Variants in CYP4F22 observed in about 807,000 individuals in gnomAD.
The protein encoded by CYP4F22 is ultra-long-chain fatty acid omega-hydroxylase.
CYP4F22 carries 37 observed loss-of-function variants against 60.4 expected under a neutral mutation model. The ratio of observed to expected loss-of-function variants is 0.61; its 90% CI spans 0.47 to 0.81. The LOEUF (loss-of-function observed/expected upper bound fraction) is 0.81. Among genes scored for constraint, CYP4F22 ranks in the 30% least tolerant of loss-of-function variants. The pLI is 0.00. For missense variants in CYP4F22, 655 were observed against 715.0 expected, an observed-to-expected ratio of 0.92 and a Z score of 0.96; for synonymous variants, 258 against 280.5, an observed-to-expected ratio of 0.92 and a Z score of 0.80.
chr19:15,512,282 A>G (rs1971101232), intron 1 of CYP4F22, among the ~76,000 whole-genome samples: 1 of 152,158 alleles, frequency 6.6e-6, no homozygotes, highest in Non-Finnish European at 1.5e-5. Context: ...AGGAGAGCTG[A>G]GATTTGAACC....
At position 15,537,346 on chromosome 19, in the gene CYP4F22, C is replaced by T; in HGVS notation, c.368-15C>T. On this transcript the variant is annotated splice_polypyrimidine_tract_variant and intron_variant, in intron 4 of 13. Coordinates refer to ENST00000269703, the MANE Select transcript of CYP4F22 (RefSeq NM_173483.4). The stretch of plus-strand genomic sequence containing the variant: ...ACTCTGTTTTGAGTCACCATTTTCC[C>T]TTTGCCCTCCACAGCTGCCATCGCC... The T allele has an allele frequency of 6.2e-7, 1 of 1,614,012 alleles. No homozygotes were observed.
chr19:15,529,968 A>G lies in CYP4F22; in HGVS notation c.367+115A>G, dbSNP rs992744469. ...GGTCATTTGAATAGGGCTTTGAAGG[A>G]TGAATAAGAGTTTGGCAAAGCAAGC... On this transcript the variant is annotated intron_variant, in intron 4 of 13. Coordinates refer to ENST00000269703, the MANE Select transcript of CYP4F22 (RefSeq NM_173483.4). The G allele has an allele frequency of 4.8e-6, 7 of 1,456,638 alleles. No homozygotes were observed. The African/African-American group carries it at 9.8e-5, about 20-fold the overall frequency. The allele number at this position is 1,456,638 out of a possible 1,614,324, so 90.2% of individuals were successfully genotyped here. A position where few individuals can be genotyped will look rare whatever the true frequency, so the allele number is the denominator to read the frequency against.
chr19:15,551,160 C>A, intron 13 of CYP4F22, 134 bp from the exon 14 acceptor site: 1 of 1,171,004 alleles, frequency 8.5e-7, no homozygotes, highest in Non-Finnish European at 1.2e-6. Flanking sequence ...CTTTAACCCT[C>A]ACCCAGCGTG....
intron 11 of CYP4F22, 92 bp from the exon 12 acceptor site, chr19:15,549,046 A>G: frequency 7.1e-7 from 1 of 1,415,012 alleles, no homozygotes; most frequent in Non-Finnish European, 1.0e-6. Flanking sequence ...GCTCATGGGA[A>G]CATCATGGCT....
rs1221663078 is a variant in CYP4F22 at position 15,552,107 on chromosome 19, C to G, written c.*636C>G. ...CCCTTGTAAGCCCCTTCCTTCCTCC[C>G]TTGCCCAAAGATCCTTTGCTGAGTG... On this transcript the variant is annotated 3_prime_UTR_variant, in exon 14 of 14. Coordinates refer to ENST00000269703, the MANE Select transcript of CYP4F22 (RefSeq NM_173483.4). 2.0e-5 allele frequency: 3 copies of G among 152,516 alleles called. No individual in the cohort carries two copies. The highest frequency in any genetic ancestry group is 4.4e-5 in the Non-Finnish European group (3 of 68,306). 9.4% of individuals were successfully genotyped at this position (152,516 alleles called of 1,614,324 possible).
rs1555726014 is a variant in CYP4F22 at position 15,509,962 on chromosome 19, CTCTT to C, written c.-109+1397_-109+1400del. On this transcript the variant is annotated intron_variant, in intron 1 of 13. Transcript: ENST00000269703. ...CTTTCTTTCTTTTCTCTGTCTCTCT[CTCTT>C]TCTTTCTTTCTTTCTTTTTTTGTTG... Among the ~76,000 whole-genome samples the C allele has an allele frequency of 6.9e-4, 69 of 99,644 alleles. 1 individual carries two copies. Among genetic ancestry groups the C allele is most frequent in the Non-Finnish European group, 1.0e-3 (45 of 44,214 alleles). The allele number at this position is 99,644 out of a possible 152,430, so 65.4% of individuals were successfully genotyped here. A position where few individuals can be genotyped will look rare whatever the true frequency, so the allele number is the denominator to read the frequency against.
At chr19:15,545,099 T>TAA (rs1260781533) in intron 10 of CYP4F22, among the ~76,000 whole-genome samples, 1 of 64,728 alleles carries the variant, frequency 1.5e-5, no homozygotes, top group African/African-American at 6.4e-5. Flanking sequence ...AGTAAATAAA[T>TAA]AAAATAAAAA....
At chr19:15,543,308 G>A (rs556600687) in intron 8 of CYP4F22, among the ~76,000 whole-genome samples, 1 of 152,130 alleles carries the variant, frequency 6.6e-6, no homozygotes, top group East Asian at 1.9e-4. Context: ...TAATCCTCCT[G>A]CCTCAGCTTC....
intron 1 of CYP4F22, among the ~76,000 whole-genome samples, chr19:15,513,080 C>T (rs1971110760): frequency 6.6e-6 from 1 of 151,982 alleles, no homozygotes; most frequent in South Asian, 2.1e-4. Flanking sequence ...GAGAAAAACT[C>T]CAGTGTAAAC....
intron 1 of CYP4F22, among the ~76,000 whole-genome samples, chr19:15,512,837 AT>A (rs1199950317): frequency 2.0e-5 from 3 of 151,402 alleles, no homozygotes; most frequent in African/African-American, 7.3e-5. Context: ...AATTGATTCA[AT>A]TTTTTTTGAA....
At chr19:15,529,972 A>T (rs1971325276) in intron 4 of CYP4F22, 119 bp downstream of exon 4, 4 of 1,437,878 alleles carry the variant, frequency 2.8e-6, no homozygotes, top group Middle Eastern at 2.5e-4. Flanking sequence ...TGAAGGATGA[A>T]TAAGAGTTTG....
intron 7 of CYP4F22, among the ~76,000 whole-genome samples, chr19:15,538,618 G>A (rs1568360790): frequency 6.6e-6 from 1 of 152,162 alleles, no homozygotes; most frequent in Non-Finnish European, 1.5e-5. Context: ...TAGTCTAAGT[G>A]GGGACATAAG....
rs183145766 is a variant in CYP4F22, at chr19:15,525,354, C to T, written c.18C>T (p.Asp6=). 3.9e-5 allele frequency: 63 copies of T among 1,613,818 alleles called. No individual in the cohort carries two copies. In the East Asian group the frequency reaches 1.2e-3, roughly 31 times the overall value. Residue 6 remains aspartate (D), a synonymous_variant, in exon 3 of 14, where the codon GAC becomes GAT. Transcript: ENST00000269703. Reference sequence around the variant, plus strand: ...TCCCCAGGATGCTGCCCATCACAGACCGCCTGCTGCACCTCCTGGGGCTGG... The same window carrying T: ...TCCCCAGGATGCTGCCCATCACAGATCGCCTGCTGCACCTCCTGGGGCTGG... MLPIT[D]RLLHLLGLEK...
chr19:15,542,781 A>C (rs1284244584), intron 8 of CYP4F22, among the ~76,000 whole-genome samples: 1 of 151,730 alleles, frequency 6.6e-6, no homozygotes, highest in Non-Finnish European at 1.5e-5. Flanking sequence ...TTCAGCTCCC[A>C]CTTATAAGTG....
At chr19:15,541,079 C>T (rs191936177) in intron 8 of CYP4F22, among the ~76,000 whole-genome samples, 296 of 152,326 alleles carry the variant, frequency 1.9e-3, no homozygotes, top group African/African-American at 6.4e-3. Context: ...GAGACTCTGT[C>T]TCAAAACAAA....
rs756835947 is a variant in CYP4F22, at chr19:15,544,220, G to A, written c.1077G>A (p.Glu359=). Residue 359 remains glutamate (E), a synonymous_variant, in exon 10 of 14, where the codon GAG becomes GAA. Transcript: ENST00000269703. Reference sequence around the variant, plus strand: ...TGGCAAAGTATCCGGAATACCAGGAGAAATGCCGAGAAGAGATTCAGGAAG... The same window carrying A: ...TGGCAAAGTATCCGGAATACCAGGAAAAATGCCGAGAAGAGATTCAGGAAG... The part of the protein sequence containing the change: ...FNLAKYPEYQ[E]KCREEIQEVM... 4 of 1,614,004 alleles carry A rather than the reference G, an allele frequency of 2.5e-6. No homozygotes were observed. Among genetic ancestry groups the A allele is most frequent in the Non-Finnish European group, 3.4e-6 (4 of 1,180,052 alleles).
intron 1 of CYP4F22, among the ~76,000 whole-genome samples, chr19:15,509,904 C>CTTTCTTTCTTTCTTTCTTTCTTT (rs1555725971): frequency 1.3e-4 from 11 of 86,780 alleles, no homozygotes; most frequent in African/African-American, 1.6e-4. Context: ...TTCCTTCCTT[C>CTTTCTTTCTTTCTTTCTTTCTTT]CTTTCTTTCT....
intron 3 of CYP4F22, 64 bp from the exon 4 acceptor site, chr19:15,529,645 A>G (rs1031528035): frequency 1.2e-6 from 2 of 1,603,252 alleles, no homozygotes; most frequent in Non-Finnish European, 1.7e-6. Flanking sequence ...AGGTGGCAGG[A>G]GGAAGGCAGT....
At chr19:15,547,992 AGAGGGAGAGAGTGTGTGT>A (rs777964120) in intron 10 of CYP4F22, 98 bp from the exon 11 acceptor site, 6,709 of 502,874 alleles carry the variant, frequency 0.013, 671 homozygotes, top group Middle Eastern at 0.017. Context: ...AGAGAGAGAG[AGAGGGAGAGAGTGTGTGT>A]GTGTGTGTGT....
Sources: gnomAD v4.1 joint callset for allele counts (sites outside exome capture counted in the v4.1 genomes callset) on GRCh38, gnomAD v4.1.1 for gene constraint, MANE v1.5 for transcripts, NCBI Gene and HGNC (gene_info 2026-07-23, HGNC 2026-07-21) for gene names.